Variants in TTC7B observed in about 807,000 individuals in gnomAD.
The protein encoded by TTC7B is tetratricopeptide repeat domain 7B.
In TTC7B, 28 loss-of-function variants were observed where a neutral mutation model predicts 106.8. The ratio of observed to expected loss-of-function variants is 0.26; its 90% CI spans 0.19 to 0.36. The LOEUF is 0.36. Among genes scored for constraint, TTC7B ranks in the 10% least tolerant of loss-of-function variants. The probability of loss-of-function intolerance (pLI) is 1.00; values close to 1 mark genes in which losing one functional copy is unlikely to be tolerated. For synonymous variants in TTC7B, 405 were observed against 430.6 expected (o/e 0.94, Z 0.74); for missense variants, 862 against 1,076.4 (o/e 0.80, Z 2.79).
chr14:90,737,408 C>G (rs931746589), intron 4 of TTC7B, among the ~76,000 whole-genome samples: 8 of 152,114 alleles, frequency 5.3e-5, no homozygotes, highest in African/African-American at 1.9e-4. Context: ...CCATGTAGCA[C>G]ATATCCACAC....
At chr14:90,630,081 G>C (rs1282693229) in intron 15 of TTC7B, among the ~76,000 whole-genome samples, 1 of 152,204 alleles carries the variant, frequency 6.6e-6, no homozygotes, top group African/African-American at 2.4e-5. Flanking sequence ...CCGGAGAAAG[G>C]AGGATCCTCT....
chr14:90,757,169 T>C lies in TTC7B; in HGVS notation c.446-12247A>G, dbSNP rs564538059. Among the ~76,000 whole-genome samples, 2 of 152,186 alleles carry C rather than the reference T, an allele frequency of 1.3e-5. No homozygotes were observed. The highest frequency in any genetic ancestry group is 1.9e-4 in the East Asian group (1 of 5,160). On this transcript the variant is annotated intron_variant, in intron 3 of 19. Coordinates refer to ENST00000328459, the MANE Select transcript of TTC7B (RefSeq NM_001010854.2). The surrounding 1 kb of genome is among the most constrained non-coding windows in gnomAD (Gnocchi z 4.1). ...CTACCACATCTCTGGGTTTCCTACA[T>C]AGGCAAAAGAAAGCACCCCGGAAAG...
At chr14:90,617,191 G>A (rs908498569) in intron 16 of TTC7B, among the ~76,000 whole-genome samples, 4 of 152,138 alleles carry the variant, frequency 2.6e-5, no homozygotes, top group African/African-American at 4.8e-5. Flanking sequence ...AAATTAACCC[G>A]CGGAAAACTG....
chr14:90,603,069 C>A (rs537959124), intron 17 of TTC7B, among the ~76,000 whole-genome samples: 34 of 152,310 alleles, frequency 2.2e-4, no homozygotes, highest in Admixed American at 1.8e-3. Flanking sequence ...CCAAGCTGCG[C>A]TGAATGCATT....
chr14:90,743,074 G>C (rs982915677), intron 4 of TTC7B, among the ~76,000 whole-genome samples: 1 of 152,210 alleles, frequency 6.6e-6, no homozygotes, highest in Non-Finnish European at 1.5e-5. Context: ...AAGGAGCCTG[G>C]ATGATCATTC....
At chr14:90,672,157 T>C (rs1886658256) in intron 9 of TTC7B, among the ~76,000 whole-genome samples, 1 of 152,084 alleles carries the variant, frequency 6.6e-6, no homozygotes, top group African/African-American at 2.4e-5. Context: ...TTAATGCTGG[T>C]TGGGGACAAG....
chr14:90,662,801 A>G (rs941147451), intron 9 of TTC7B, among the ~76,000 whole-genome samples: 2 of 152,236 alleles, frequency 1.3e-5, no homozygotes, highest in Non-Finnish European at 2.9e-5. Flanking sequence ...ATTCCTTTTT[A>G]AAAATTTTAA....
chr14:90,664,193 C>T (rs1386047566), intron 9 of TTC7B, among the ~76,000 whole-genome samples: 1 of 152,050 alleles, frequency 6.6e-6, no homozygotes, highest in Non-Finnish European at 1.5e-5. Flanking sequence ...GTGTATGGGA[C>T]AGAGTAAAAA....
At chr14:90,566,550 A>G (rs1434882098) in intron 19 of TTC7B, among the ~76,000 whole-genome samples, 1 of 152,222 alleles carries the variant, frequency 6.6e-6, no homozygotes, top group Non-Finnish European at 1.5e-5. Context: ...AAGAAAAAAA[A>G]GAATGAAAAC....
intron 15 of TTC7B, among the ~76,000 whole-genome samples, chr14:90,632,719 A>G (rs1017277641): frequency 1.3e-5 from 2 of 152,242 alleles, no homozygotes; most frequent in African/African-American, 2.4e-5. Context: ...GGTTGAAATC[A>G]TGGCTCTGCC....
chr14:90,604,617 G>T (rs764290188), intron 17 of TTC7B, among the ~76,000 whole-genome samples: 7 of 152,246 alleles, frequency 4.6e-5, no homozygotes, highest in African/African-American at 1.7e-4. Flanking sequence ...ACATAACTGG[G>T]CATTTGGAAC....
chr14:90,548,725 G>GT (rs1326910488), intron 19 of TTC7B, among the ~76,000 whole-genome samples: 2 of 152,236 alleles, frequency 1.3e-5, no homozygotes, highest in African/African-American at 4.8e-5. Context: ...GAAACTTGAT[G>GT]AGAGCAGCAT....
In TTC7B at chr14:90,759,738, T is replaced by C. The variant is rs1284694428; in HGVS notation, c.446-14816A>G. ...AACCTATTCTGAAATGGAGTGGATC[T>C]CAGAATATACTGAGAAGTTTGCCCT... On this transcript the variant is annotated intron_variant, in intron 3 of 19. Coordinates refer to ENST00000328459, the MANE Select transcript of TTC7B (RefSeq NM_001010854.2). This position sits in a 1 kb window ranked among gnomAD's most constrained non-coding sequence, Gnocchi z 4.1. Among the ~76,000 whole-genome samples, 1 of 152,232 alleles carries C rather than the reference T, an allele frequency of 6.6e-6. No homozygotes were observed. The highest frequency in any genetic ancestry group is 2.4e-5 in the African/African-American group (1 of 41,462).
chr14:90,795,659 T>G (rs1317733979), intron 1 of TTC7B, among the ~76,000 whole-genome samples: 1 of 152,206 alleles, frequency 6.6e-6, no homozygotes, highest in Non-Finnish European at 1.5e-5. Context: ...AGAGATAATA[T>G]GTAACGCACA....
chr14:90,694,678 T>TTTTTATTTTAGTATAAAATATA (rs1566840217), intron 6 of TTC7B, among the ~76,000 whole-genome samples: 22 of 45,950 alleles, frequency 4.8e-4, no homozygotes, highest in African/African-American at 1.7e-3. Flanking sequence ...TATATGTATA[T>TTTTTATTTTAGTATAAAATATA]TTTTATTTTA....
At chr14:90,740,778 A>G (rs1055611547) in intron 4 of TTC7B, among the ~76,000 whole-genome samples, 2 of 152,122 alleles carry the variant, frequency 1.3e-5, no homozygotes, top group South Asian at 4.1e-4. Flanking sequence ...CTGGGATTAC[A>G]GGTGTGAGCC....
At chr14:90,751,172 T>C (rs1890122543) in intron 3 of TTC7B, among the ~76,000 whole-genome samples, 1 of 152,252 alleles carries the variant, frequency 6.6e-6, no homozygotes, top group Admixed American at 6.5e-5. Flanking sequence ...CAATAAGATC[T>C]ACATCTCCAA....
Position 90,807,590 on chromosome 14 carries a change from C to T in TTC7B, c.121+8585G>A, listed in dbSNP as rs2030681153. Among the ~76,000 whole-genome samples, 1 of 152,220 alleles carries T rather than the reference C, an allele frequency of 6.6e-6. No homozygotes were observed. On this transcript the variant is annotated intron_variant, in intron 1 of 19. Transcript: ENST00000328459. The surrounding 1 kb of genome is among the most constrained non-coding windows in gnomAD (Gnocchi z 4.1). ...TGGTGACCTGCTCACTCTATTTCTT[C>T]TGATGCCCCTCTGATACCTGGTGCT... is the stretch of plus-strand genomic sequence containing the variant.
At chr14:90,604,271 G>A (rs1029992667) in intron 17 of TTC7B, among the ~76,000 whole-genome samples, 3 of 152,192 alleles carry the variant, frequency 2.0e-5, no homozygotes, top group Admixed American at 1.3e-4. Context: ...TAGAAAAATC[G>A]AAGTTGGCAA....
Sources: allele counts gnomAD v4.1 joint callset (sites outside exome capture counted in the v4.1 genomes callset), GRCh38; gene constraint gnomAD v4.1.1; non-coding constraint Gnocchi (gnomAD v3.1); transcripts MANE v1.5; gene names NCBI Gene and HGNC (gene_info 2026-07-23, HGNC 2026-07-21).